Variants in ARHGAP26 observed in about 807,000 individuals in gnomAD.
The protein encoded by ARHGAP26 is Rho GTPase activating protein 26.
Under a neutral mutation model 104.8 loss-of-function variants are expected in ARHGAP26, and 38 were observed. That is an observed-to-expected ratio of 0.36 (90% CI 0.28 to 0.48). The LOEUF is 0.48. ARHGAP26 is among the 20% of genes least tolerant of loss of function. The pLI is 0.99. For synonymous variants in ARHGAP26, 341 were observed against 340.0 expected (o/e 1.00, Z -0.03); for missense variants, 704 against 947.9 (o/e 0.74, Z 3.38).
chr5:142,784,663 G>C (rs1044369225), intron 1 of ARHGAP26, among the ~76,000 whole-genome samples: 2 of 152,100 alleles, frequency 1.3e-5, no homozygotes, highest in African/African-American at 4.8e-5. Flanking sequence ...GGCAGCATGG[G>C]GGTAGGCGAT....
intron 5 of ARHGAP26, among the ~76,000 whole-genome samples, chr5:142,889,862 C>T (rs1428742138): frequency 2.0e-5 from 3 of 151,360 alleles, no homozygotes; most frequent in East Asian, 2.0e-4. Context: ...AGGCCTGGCG[C>T]GGTGGCTCAT....
chr5:142,924,918 C>G (rs1763701282), intron 10 of ARHGAP26, among the ~76,000 whole-genome samples: 1 of 152,154 alleles, frequency 6.6e-6, no homozygotes. Flanking sequence ...GACAGGCATC[C>G]TTCATTGTTG....
intron 20 of ARHGAP26, among the ~76,000 whole-genome samples, chr5:143,178,798 C>A (rs1803876658): frequency 6.6e-6 from 1 of 152,146 alleles, no homozygotes; most frequent in South Asian, 2.1e-4. Flanking sequence ...TACAAGGTCA[C>A]CCAGCTTGTA....
At chr5:142,863,061 T>A (rs1753644778) in intron 1 of ARHGAP26, among the ~76,000 whole-genome samples, 2 of 151,740 alleles carry the variant, frequency 1.3e-5, no homozygotes, top group Admixed American at 1.3e-4. Flanking sequence ...TTGGGAGGGA[T>A]CTTAGAGCTA....
intron 5 of ARHGAP26, among the ~76,000 whole-genome samples, chr5:142,888,965 G>A (rs1005196096): frequency 2.0e-5 from 3 of 152,164 alleles, no homozygotes; most frequent in Non-Finnish European, 4.4e-5. Context: ...TGTCTTGAGC[G>A]GTCTGCAGGG....
At position 143,114,048 on chromosome 5, in the gene ARHGAP26, A is replaced by G. The variant is rs754310268; in HGVS notation, c.1539-6940A>G. ...TCTCTTTCCTCATTTGTAAAGTGGTAGTGACAGTGGTACCTGCCTGCCTCA... is the reference window on the plus strand; with the variant it reads ...TCTCTTTCCTCATTTGTAAAGTGGTGGTGACAGTGGTACCTGCCTGCCTCA... On this transcript the variant is annotated intron_variant, in intron 17 of 22. Coordinates refer to ENST00000645722, the MANE Select transcript of ARHGAP26 (RefSeq NM_001135608.3). Among the ~76,000 whole-genome samples, 23 of 152,308 alleles carry G rather than the reference A, an allele frequency of 1.5e-4. No individual in the cohort carries two copies. In the South Asian group the frequency reaches 1.7e-3, roughly 11 times the overall value.
At chr5:142,923,619 T>C (rs914230691) in intron 10 of ARHGAP26, among the ~76,000 whole-genome samples, 1 of 152,160 alleles carries the variant, frequency 6.6e-6, no homozygotes, top group Non-Finnish European at 1.5e-5. Flanking sequence ...TCAGTCAATA[T>C]CTGTTGCATT....
chr5:142,823,057 T>C (rs1460074352), intron 1 of ARHGAP26, among the ~76,000 whole-genome samples: 2 of 152,244 alleles, frequency 1.3e-5, no homozygotes, highest in East Asian at 3.8e-4. Flanking sequence ...TTTCATTGTA[T>C]AATTCAATAA....
At chr5:143,113,571 C>T (rs940296119) in intron 17 of ARHGAP26, among the ~76,000 whole-genome samples, 2 of 152,166 alleles carry the variant, frequency 1.3e-5, no homozygotes, top group African/African-American at 2.4e-5. Context: ...TATTAGGAAC[C>T]GGCTCTGACT....
intron 1 of ARHGAP26, among the ~76,000 whole-genome samples, chr5:142,836,429 C>G (rs1048441541): frequency 6.6e-6 from 1 of 152,206 alleles, no homozygotes; most frequent in Non-Finnish European, 1.5e-5. Flanking sequence ...GAGCTCAAAG[C>G]CCTTTACCTG....
intron 1 of ARHGAP26, among the ~76,000 whole-genome samples, chr5:142,825,043 G>A (rs531149638): frequency 6.6e-6 from 1 of 152,230 alleles, no homozygotes; most frequent in African/African-American, 2.4e-5. Context: ...AAGAACAAGA[G>A]GACCCCTCCC....
intron 11 of ARHGAP26, among the ~76,000 whole-genome samples, chr5:142,966,614 C>T (rs578242314): frequency 6.6e-6 from 1 of 152,250 alleles, no homozygotes; most frequent in African/African-American, 2.4e-5. Flanking sequence ...TATTTAATAG[C>T]TTTTGGTCTA....
At chr5:142,895,379 C>T (rs966734133) in intron 6 of ARHGAP26, among the ~76,000 whole-genome samples, 39 of 151,948 alleles carry the variant, frequency 2.6e-4, no homozygotes, top group African/African-American at 6.8e-4. Context: ...TACAGGTGCA[C>T]GCCACCACGC....
intron 11 of ARHGAP26, among the ~76,000 whole-genome samples, chr5:142,945,247 C>T (rs192159746): frequency 1.3e-5 from 2 of 152,202 alleles, no homozygotes; most frequent in Non-Finnish European, 2.9e-5. Flanking sequence ...GGGTCTCTGC[C>T]TGGCTGACGT....
At position 143,214,075 on chromosome 5, in the gene ARHGAP26, G is replaced by A. The variant is rs1197465355; in HGVS notation, c.2178G>A (p.Thr726=). The A allele has an allele frequency of 2.7e-6, 4 of 1,462,588 alleles. No individual in the cohort carries two copies. Among genetic ancestry groups the A allele is most frequent in the South Asian group, 2.3e-5 (2 of 85,630 alleles). 90.6% of individuals were successfully genotyped at this position (1,462,588 alleles called of 1,614,324 possible). A position where few individuals can be genotyped will look rare whatever the true frequency, so the allele number is the denominator to read the frequency against. Reference sequence around the variant, plus strand: ...CAGAACTTTCGTTCACAGCAGGCACGGTCTTCGATAACGGTGAGTTTCTCA... The same window carrying A: ...CAGAACTTTCGTTCACAGCAGGCACAGTCTTCGATAACGGTGAGTTTCTCA... ...HDSELSFTAG[T]VFDNVHPSQE... Residue 726 remains threonine, a synonymous_variant, in exon 22 of 23, where the codon ACG becomes ACA. Transcript: ENST00000645722.
At chr5:142,854,514 A>G (rs1270207138) in intron 1 of ARHGAP26, among the ~76,000 whole-genome samples, 1 of 152,222 alleles carries the variant, frequency 6.6e-6, no homozygotes, top group Non-Finnish European at 1.5e-5. Context: ...CTCAATGAAG[A>G]GTTAAAGGAT....
Position 143,099,311 on chromosome 5 carries a change from T to TG in ARHGAP26, c.1539-21671dup, listed in dbSNP as rs1554228311. 2.8e-3 allele frequency among the ~76,000 whole-genome samples: 429 copies of TG among 152,052 alleles called. 3 individuals carry two copies. Among genetic ancestry groups the TG allele is most frequent in the African/African-American group, 1.0e-2 (413 of 41,450 alleles). ...TGACAACATAGCTGCCCTGGGCAGG[T>TG]GGGGGGCACAGGTAGAGGAATATAG... On this transcript the variant is annotated intron_variant, in intron 17 of 22. Coordinates refer to ENST00000645722, the MANE Select transcript of ARHGAP26 (RefSeq NM_001135608.3).
At chr5:142,913,387 C>T (rs192987113) in intron 10 of ARHGAP26, 94 bp downstream of exon 10, 2 of 1,074,276 alleles carry the variant, frequency 1.9e-6, no homozygotes, top group East Asian at 4.9e-5. Flanking sequence ...GCTTTTTTCC[C>T]CTTCTCCCCC....
intron 1 of ARHGAP26, among the ~76,000 whole-genome samples, chr5:142,837,577 C>T (rs1440430989): frequency 6.6e-6 from 1 of 152,200 alleles, no homozygotes; most frequent in African/African-American, 2.4e-5. Context: ...GTGCCCTGTA[C>T]TTGCCCTTTG....
Sources: gnomAD v4.1 joint callset for allele counts (sites outside exome capture counted in the v4.1 genomes callset) on GRCh38, gnomAD v4.1.1 for gene constraint, MANE v1.5 for transcripts, NCBI Gene and HGNC (gene_info 2026-07-23, HGNC 2026-07-21) for gene names.